UTP6: variants seen among roughly 807,000 people sequenced by gnomAD.
UTP6 encodes the protein U3 small nucleolar RNA-associated protein 6 homolog.
A neutral mutation model predicts 96.5 loss-of-function variants in UTP6; 60 were observed. The observed-to-expected ratio is 0.62, with a 90% CI of 0.51 to 0.77. The LOEUF (loss-of-function observed/expected upper bound fraction) is 0.77. Among genes scored for constraint, UTP6 ranks in the 30% least tolerant of loss-of-function variants. UTP6 has a pLI of 0.00. For missense variants in UTP6, 637 were observed against 706.5 expected (o/e 0.90, Z 1.12); for synonymous variants, 215 against 240.1 (o/e 0.90, Z 0.96).
At chr17:31,863,848 A>C (rs1216637505) in intron 18 of UTP6, among the ~76,000 whole-genome samples, 1 of 152,030 alleles carries the variant, frequency 6.6e-6, no homozygotes, top group African/African-American at 2.4e-5. Context: ...GAACACAGGC[A>C]CACCACCATA....
At position 31,894,657 on chromosome 17, in the gene UTP6, T is replaced by C; in HGVS notation, c.300A>G (p.Ser100=). The C allele has an allele frequency of 1.2e-6, 2 of 1,608,604 alleles. No individual in the cohort carries two copies. The highest frequency in any genetic ancestry group is 1.7e-6 in the Non-Finnish European group (2 of 1,176,912). The part of the protein sequence containing the change: ...HRVQGVFQRA[S]AKWKDDVQLW... ...CTTGATCACTCACTTTCCATTTTGCTGAGGCACGCTGGAAAACACCTTGTA... is the reference window on the plus strand; with the variant it reads ...CTTGATCACTCACTTTCCATTTTGCCGAGGCACGCTGGAAAACACCTTGTA... Residue 100 remains serine, a synonymous_variant, in exon 4 of 19, where the codon TCA becomes TCG. Transcript: ENST00000261708.
intron 16 of UTP6, among the ~76,000 whole-genome samples, chr17:31,868,335 T>TTC: frequency 6.9e-6 from 1 of 145,378 alleles, no homozygotes; most frequent in Admixed American, 6.9e-5. Context: ...GTTTTTTTTT[T>TTC]TTTTTTTTTT....
intron 4 of UTP6, among the ~76,000 whole-genome samples, chr17:31,894,419 C>T (rs778613937): frequency 1.3e-5 from 2 of 151,774 alleles, no homozygotes; most frequent in Non-Finnish European, 2.9e-5. Flanking sequence ...GTATCAAATA[C>T]ACTGTTTTCA....
intron 13 of UTP6, among the ~76,000 whole-genome samples, chr17:31,877,330 T>C (rs1202846477): frequency 6.6e-6 from 1 of 152,160 alleles, no homozygotes; most frequent in Non-Finnish European, 1.5e-5. Flanking sequence ...TTGTGAAAAA[T>C]TAAATGACAG....
Position 31,894,993 on chromosome 17 carries a change from C to T in UTP6, c.196G>A (p.Glu66Lys). ...NYVQYEINLL[E>K]LIQRRRTRIG... is the part of the protein sequence containing the mutation. The stretch of plus-strand genomic sequence containing the variant: ...ACTGTTCTTCTTCTCTGGATCAGCT[C>T]CAAAAGATTAATTTCATACTATGAA... The change falls in exon 3 of 19, where the codon GAG becomes AAG. Residue 66 changes from glutamate to lysine, a missense_variant. Transcript: ENST00000261708. 1.3e-6 allele frequency: 2 copies of T among 1,544,498 alleles called. No individual in the cohort carries two copies.
At chr17:31,878,124 T>C in intron 13 of UTP6, 126 bp downstream of exon 13, 1 of 853,442 alleles carries the variant, frequency 1.2e-6, no homozygotes, top group Non-Finnish European at 1.9e-6. Context: ...ATAAACACAC[T>C]TCACATACCG....
At chr17:31,866,286 CAAAAA>C (rs869110895) in intron 17 of UTP6, among the ~76,000 whole-genome samples, 37 of 58,070 alleles carry the variant, frequency 6.4e-4, no homozygotes, top group Non-Finnish European at 1.2e-3. Flanking sequence ...GACTCTGTCT[CAAAAA>C]AAAAAAAAAA....
intron 7 of UTP6, 146 bp downstream of exon 7, chr17:31,889,139 T>A (rs1481967265): frequency 3.8e-6 from 2 of 529,290 alleles, no homozygotes; most frequent in Non-Finnish European, 6.6e-6. Flanking sequence ...ACAAAAAAAA[T>A]AGCCAGGTAT....
At chr17:31,875,579 C>T (rs1315340533) in intron 13 of UTP6, among the ~76,000 whole-genome samples, 166 bp from the exon 14 acceptor site, 1 of 152,040 alleles carries the variant, frequency 6.6e-6, no homozygotes. Context: ...AACCCCAGCA[C>T]TTTGGGAGGC....
chr17:31,893,287 G>A (rs1423616771), intron 4 of UTP6, among the ~76,000 whole-genome samples: 3 of 151,954 alleles, frequency 2.0e-5, no homozygotes, highest in Non-Finnish European at 2.9e-5. Context: ...TTAGCCAGGT[G>A]TGGTGGTATG....
chr17:31,879,774 G>C (rs1441094179), intron 11 of UTP6, among the ~76,000 whole-genome samples: 1 of 152,082 alleles, frequency 6.6e-6, no homozygotes. Context: ...CTACTATGGA[G>C]GAAGGTCATA....
chr17:31,892,939 G>A (rs964829187), intron 4 of UTP6, 145 bp from the exon 5 acceptor site: 60 of 883,658 alleles, frequency 6.8e-5, no homozygotes, highest in Middle Eastern at 4.6e-4. Context: ...TTGTGAAGCC[G>A]AAGCGGGCGG....
intron 2 of UTP6, among the ~76,000 whole-genome samples, chr17:31,896,546 G>A (rs1904657581): frequency 6.6e-6 from 1 of 151,710 alleles, no homozygotes; most frequent in South Asian, 2.1e-4. Context: ...CTTTATATAT[G>A]TGTATATGTA....
chr17:31,862,355 A>G lies in UTP6; in HGVS notation c.*1004T>C, dbSNP rs1202686501. 1.3e-5 allele frequency: 2 copies of G among 152,194 alleles called. No homozygotes were observed. Among genetic ancestry groups the G allele is most frequent in the Non-Finnish European group, 2.9e-5 (2 of 68,036 alleles). 9.4% of individuals were successfully genotyped at this position (152,194 alleles called of 1,614,324 possible). On this transcript the variant is annotated 3_prime_UTR_variant, in exon 19 of 19. Coordinates refer to ENST00000261708, the MANE Select transcript of UTP6 (RefSeq NM_018428.3). ...AAATATATTATGGCTCATTTTTACA[A>G]TGTAATGTTACGAATTCATTAAATG...
Position 31,863,385 on chromosome 17 carries a change from CATGTTTAGCT to C in UTP6, c.1758_1767del (p.Ala587LeufsTer49), listed in dbSNP as rs771597822. 22 of 1,613,896 alleles carry C rather than the reference CATGTTTAGCT, an allele frequency of 1.4e-5. No individual in the cohort carries two copies. Among genetic ancestry groups the C allele is most frequent in the Non-Finnish European group, 1.8e-5 (21 of 1,180,006 alleles). On this transcript the variant is annotated frameshift_variant, in exon 19 of 19. Coordinates refer to ENST00000261708, the MANE Select transcript of UTP6 (RefSeq NM_018428.3). LOFTEE classifies it high-confidence loss of function. ...CATAAATGGCCAGTCTGATGCATAGCATGTTTAGCTACAAATGCCTCTGCTGACTCTCCCT... is the reference window on the plus strand; with the variant it reads ...CATAAATGGCCAGTCTGATGCATAGCACAAATGCCTCTGCTGACTCTCCCT...
At chr17:31,873,853 G>T in intron 14 of UTP6, 100 bp from the exon 15 acceptor site, 2 of 1,322,684 alleles carry the variant, frequency 1.5e-6, no homozygotes, top group Non-Finnish European at 2.0e-6. Flanking sequence ...ATTTTTTTAT[G>T]CTATAAAATG....
chr17:31,867,832 T>A (rs1300231025), intron 17 of UTP6, among the ~76,000 whole-genome samples: 1 of 151,922 alleles, frequency 6.6e-6, no homozygotes, highest in East Asian at 1.9e-4. Flanking sequence ...GGCGTGTGCC[T>A]ATAGTCCCAG....
At position 31,880,573 on chromosome 17, in the gene UTP6, C is replaced by T. The variant is rs542178063; in HGVS notation, c.967G>A (p.Glu323Lys). Residue 323 changes from glutamate to lysine, a missense_variant and splice_region_variant, in exon 11 of 19, where the codon GAG becomes AAG. Physicochemically the swap from Glu to Lys is moderately conservative, Grantham distance 56 (BLOSUM62 1). Coordinates refer to ENST00000261708, the MANE Select transcript of UTP6 (RefSeq NM_018428.3). Reference protein sequence around the residue: ...YEEAVKTLPTEAMWKCYITFC... With the variant: ...YEEAVKTLPTKAMWKCYITFC... Reference sequence around the variant, plus strand: ...CACACCATGGTTTGGTGAAGTTCACCTGTTGGCAGAGTCTTCACTGCCTCT... The same window carrying T: ...CACACCATGGTTTGGTGAAGTTCACTTGTTGGCAGAGTCTTCACTGCCTCT... The T allele has an allele frequency of 6.2e-7, 1 of 1,614,082 alleles. No individual in the cohort carries two copies. The highest frequency in any genetic ancestry group is 1.3e-5 in the African/African-American group (1 of 75,030).
chr17:31,896,727 C>T (rs1196876144), intron 2 of UTP6, among the ~76,000 whole-genome samples: 1 of 151,640 alleles, frequency 6.6e-6, no homozygotes, highest in Non-Finnish European at 1.5e-5. Context: ...GCTTCCACCT[C>T]CCAGGTTCAA....
Sources: gnomAD v4.1 joint callset for allele counts (sites outside exome capture counted in the v4.1 genomes callset) on GRCh38, gnomAD v4.1.1 for gene constraint, MANE v1.5 for transcripts, NCBI Gene and HGNC (gene_info 2026-07-23, HGNC 2026-07-21) for gene names.